ANKRD35: variants seen among roughly 807,000 people sequenced by gnomAD.
ANKRD35 encodes ankyrin repeat domain-containing protein 35.
In ANKRD35, 102 loss-of-function variants were observed where a neutral mutation model predicts 109.9. The ratio of observed to expected loss-of-function variants is 0.93; its 90% confidence interval spans 0.79 to 1.09. The LOEUF (loss-of-function observed/expected upper bound fraction) is 1.09, where lower values mean the gene tolerates loss of function less well. Among genes scored for constraint, ANKRD35 ranks in the 50% least tolerant of loss-of-function variants. The pLI, the probability that ANKRD35 is intolerant of heterozygous loss-of-function variation, is 0.00. For synonymous variants in ANKRD35, 515 were observed against 512.4 expected (o/e 1.01, Z -0.07); for missense variants, 1,240 against 1,230.1 (o/e 1.01, Z -0.12).
rs782195780 is a variant in ANKRD35 at position 145,872,201 on chromosome 1, C to A, written c.2568G>T (p.Leu856=). ...GGCAGGCCGTATTATACTTTTCCAA[C>A]AGAGCCTTTAGCTCCTGGCCCCAAG... ...AQAWGQELKA[L]LEKYNTACRE... is the part of the protein sequence containing the mutation. Residue 856 remains leucine (L), a synonymous_variant, in exon 10 of 14, where the codon CTG becomes CTT. Transcript: ENST00000355594. The A allele has an allele frequency of 2.5e-6, 4 of 1,609,096 alleles. No individual in the cohort carries two copies. The highest frequency in any genetic ancestry group is 3.4e-6 in the Non-Finnish European group (4 of 1,178,154).
chr1:145,873,837 C>T lies in ANKRD35; in HGVS notation c.932G>A (p.Arg311Gln), dbSNP rs782777832. ...CTTTTGCACCAGCTCCTGCTCCAGC[C>T]GAACAACTTTCCTCCGCTCCTCTTC... ...KYEEERRKVV[R>Q]LEQELVQKTE... is the part of the protein sequence containing the mutation. Residue 311 changes from arginine (R) to glutamine (Q), a missense_variant, in exon 10 of 14, where the codon CGG becomes CAG. Physicochemically the swap from Arg to Gln is conservative, Grantham distance 43. Coordinates refer to ENST00000355594, the MANE Select transcript of ANKRD35 (RefSeq NM_144698.5). The T allele has an allele frequency of 5.0e-6, 8 of 1,611,458 alleles. No homozygotes were observed. The highest frequency in any genetic ancestry group is 1.3e-5 in the African/African-American group (1 of 74,902).
At chr1:145,884,488 C>T (rs1398680453) in intron 1 of ANKRD35, among the ~76,000 whole-genome samples, 1 of 152,180 alleles carries the variant, frequency 6.6e-6, no homozygotes, top group Non-Finnish European at 1.5e-5. Flanking sequence ...AGCAATATTG[C>T]TACAAGTAGC....
rs1410903163 is a variant in ANKRD35, at chr1:145,878,337, G to A, written c.259+54C>T. ...GCAGGGCCCAGCACCGCCCCCGACTGCTGCTGTACCAGGGGCAAGCAAGCA... is the reference window on the plus strand; with the variant it reads ...GCAGGGCCCAGCACCGCCCCCGACTACTGCTGTACCAGGGGCAAGCAAGCA... On this transcript the variant is annotated intron_variant, in intron 3 of 13. Coordinates refer to ENST00000355594, the MANE Select transcript of ANKRD35 (RefSeq NM_144698.5). 3.3e-6 allele frequency: 5 copies of A among 1,519,244 alleles called. No individual in the cohort carries two copies. The Admixed American group carries it at 9.8e-5, about 30-fold the overall frequency. 94.1% of individuals were successfully genotyped at this position (1,519,244 alleles called of 1,614,324 possible). A position where few individuals can be genotyped will look rare whatever the true frequency, so the allele number is the denominator to read the frequency against.
chr1:145,874,508 G>T (rs1653984960), intron 8 of ANKRD35, among the ~76,000 whole-genome samples: 1 of 152,202 alleles, frequency 6.6e-6, no homozygotes, highest in South Asian at 2.1e-4. Flanking sequence ...ACCTAAGGGG[G>T]TTACAATCTG....
chr1:145,880,964 C>T (rs1182398410), intron 1 of ANKRD35, among the ~76,000 whole-genome samples: 5 of 152,048 alleles, frequency 3.3e-5, no homozygotes, highest in East Asian at 1.9e-4. Context: ...TTCAAGATCA[C>T]GAAAAAGAGT....
chr1:145,883,077 T>G (rs1004549671), intron 1 of ANKRD35, among the ~76,000 whole-genome samples: 1 of 14,500 alleles, frequency 6.9e-5, no homozygotes, highest in African/African-American at 1.9e-4. Context: ...ACAGTACCAA[T>G]TTTTTTTTTT....
intron 7 of ANKRD35, among the ~76,000 whole-genome samples, chr1:145,875,480 G>A (rs1232914280): frequency 2.6e-5 from 4 of 151,972 alleles, no homozygotes; most frequent in Non-Finnish European, 4.4e-5. Context: ...CCTTAGAGCT[G>A]CAGGAACAGA....
At position 145,873,734 on chromosome 1, in the gene ANKRD35, C is replaced by T. The variant is rs781832500; in HGVS notation, c.1035G>A (p.Gly345=). 42 of 1,613,636 alleles carry T rather than the reference C, an allele frequency of 2.6e-5. No homozygotes were observed. The highest frequency in any genetic ancestry group is 6.7e-5 in the African/African-American group (5 of 74,918). ...NQIREQAQEL[G]VLLSWEPRAS... ...CTCTGGGCTCCCAGGATAGGAGGAC[C>T]CCTAGCTCCTGCGCCTGCTCTCGAA... Residue 345 remains glycine, a synonymous_variant, in exon 10 of 14, where the codon GGG becomes GGA. Transcript: ENST00000355594.
In ANKRD35 at chr1:145,873,127, G is replaced by A; in HGVS notation, c.1642C>T (p.Leu548=). 6.2e-7 allele frequency: 1 copy of A among 1,614,030 alleles called. No homozygotes were observed. ...EARLERVLAR[L]EWAKAGLQVK... is the part of the protein sequence containing the mutation. ...TGTAGTCCTGCCTTTGCCCATTCCA[G>A]CCTTGCCAGCACCCGCTCCAGTCGG... is the stretch of plus-strand genomic sequence containing the variant. The change falls in exon 10 of 14, where the codon CTG becomes TTG. Residue 548 remains leucine (L), a synonymous_variant. Transcript: ENST00000355594.
At position 145,873,292 on chromosome 1, in the gene ANKRD35, G is replaced by C. The variant is rs1553739298; in HGVS notation, c.1477C>G (p.Leu493Val). 6.2e-7 allele frequency: 1 copy of C among 1,614,124 alleles called. No individual in the cohort carries two copies. The highest frequency in any genetic ancestry group is 8.5e-7 in the Non-Finnish European group (1 of 1,179,994). Residue 493 changes from leucine to valine, a missense_variant, in exon 10 of 14, where the codon CTT (leucine) becomes GTT (valine). Coordinates refer to ENST00000355594, the MANE Select transcript of ANKRD35 (RefSeq NM_144698.5). ...GCAGCAAGCTCCTCCCTTAGTTGAAGCAGAAGCTGGTTCATGGCTGCTGGG... is the reference window on the plus strand; with the variant it reads ...GCAGCAAGCTCCTCCCTTAGTTGAACCAGAAGCTGGTTCATGGCTGCTGGG... ...VGPAAMNQLLLQLREELAAVW... is the reference protein window; with the variant it reads ...VGPAAMNQLLVQLREELAAVW...
At chr1:145,884,086 A>C (rs1195508380) in intron 1 of ANKRD35, among the ~76,000 whole-genome samples, 5 of 152,188 alleles carry the variant, frequency 3.3e-5, no homozygotes, top group Admixed American at 1.3e-4. Flanking sequence ...GTACTGCCCA[A>C]GGATTGGGGG....
At chr1:145,882,473 T>TTTTTTTTTTTTTTTTTG (rs1654328282) in intron 1 of ANKRD35, among the ~76,000 whole-genome samples, 1 of 150,814 alleles carries the variant, frequency 6.6e-6, no homozygotes, top group African/African-American at 2.5e-5. Flanking sequence ...TTTTTTTTTT[T>TTTTTTTTTTTTTTTTTG]AGAGATGAGG....
Position 145,872,746 on chromosome 1 carries a change from G to C in ANKRD35, c.2023C>G (p.Leu675Val), listed in dbSNP as rs202121373. The C allele has an allele frequency of 6.2e-7, 1 of 1,614,122 alleles. No individual in the cohort carries two copies. The highest frequency in any genetic ancestry group is 2.2e-5 in the East Asian group (1 of 44,872). ...QLQQLRQSVG[L>V]LTNELAMEKE... Reference sequence around the variant, plus strand: ...TCCATGGCCAGTTCATTTGTCAGCAGCCCCACACTCTGTCGCAACTGCTGT... The same window carrying C: ...TCCATGGCCAGTTCATTTGTCAGCACCCCCACACTCTGTCGCAACTGCTGT... The change falls in exon 10 of 14, where the codon CTG becomes GTG. Residue 675 changes from leucine to valine, a missense_variant. Coordinates refer to ENST00000355594, the MANE Select transcript of ANKRD35 (RefSeq NM_144698.5).
chr1:145,874,768 CT>C (rs781819777), intron 8 of ANKRD35, 53 bp downstream of exon 8: 3 of 1,491,826 alleles, frequency 2.0e-6, no homozygotes, highest in Non-Finnish European at 1.8e-6. Context: ...AAATGGGACT[CT>C]AAGAAACTTC....
intron 1 of ANKRD35, among the ~76,000 whole-genome samples, chr1:145,885,499 G>C (rs1365114662): frequency 6.6e-6 from 1 of 150,990 alleles, no homozygotes; most frequent in Admixed American, 6.6e-5. Flanking sequence ...GAAAGGGGCC[G>C]GGGAAAGGGC....
intron 1 of ANKRD35, 139 bp from the exon 2 acceptor site, chr1:145,879,527 TTTA>T: frequency 9.6e-7 from 1 of 1,039,622 alleles, no homozygotes; most frequent in Non-Finnish European, 1.3e-6. Flanking sequence ...TCCTAGATCA[TTTA>T]GTCCTTCTTA....
In ANKRD35 at chr1:145,867,078, C is replaced by A. The variant is rs80185512; in HGVS notation, c.*43+209G>T. Among the ~76,000 whole-genome samples the A allele has an allele frequency of 3.6e-3, 549 of 152,282 alleles. 6 individuals carry two copies. The highest frequency in any genetic ancestry group is 0.013 in the African/African-American group (521 of 41,550). ...TTTCAGTCTCCATCTCATAAGTCAG[C>A]CCCCTTAGTCCACCTGCTCACTGAT... On this transcript the variant is annotated intron_variant, in intron 13 of 13. Coordinates refer to ENST00000355594, the MANE Select transcript of ANKRD35 (RefSeq NM_144698.5).
At chr1:145,875,943 A>G (rs1003002801) in intron 7 of ANKRD35, among the ~76,000 whole-genome samples, 197 bp downstream of exon 7, 1 of 152,132 alleles carries the variant, frequency 6.6e-6, no homozygotes. Context: ...GGGGTCATCT[A>G]TCTATGAAGA....
rs200164348 is a variant in ANKRD35 at position 145,885,747 on chromosome 1, G to C, written c.12C>G (p.Ile4Met). MKR[I>M]FSCSSTQVAV... ...CCACCTGTGTGCTGGAGCAGGAGAA[G>C]ATACGCTTCATGGCCGGGGTCGGGG... Residue 4 changes from isoleucine (I) to methionine (M), a missense_variant, in exon 1 of 14, where the codon ATC becomes ATG. Coordinates refer to ENST00000355594, the MANE Select transcript of ANKRD35 (RefSeq NM_144698.5). The C allele has an allele frequency of 7.6e-4, 1,228 of 1,613,988 alleles. 1 individual carries two copies. The highest frequency in any genetic ancestry group is 1.0e-3 in the Non-Finnish European group (1,183 of 1,179,994).
Sources: gnomAD v4.1 joint callset for allele counts (sites outside exome capture counted in the v4.1 genomes callset) on GRCh38, gnomAD v4.1.1 for gene constraint, MANE v1.5 for transcripts, NCBI Gene and HGNC (gene_info 2026-07-23, HGNC 2026-07-21) for gene names.